The following NTMT1 variants were observed in gnomAD, a reference collection of about 807,000 sequenced individuals.
NTMT1 encodes N-terminal Xaa-Pro-Lys N-methyltransferase 1.
Under a neutral mutation model 17.5 loss-of-function variants are expected in NTMT1, and 8 were observed. The observed-to-expected ratio is 0.46, with a 90% CI of 0.27 to 0.82. The LOEUF is 0.82. Ranked by LOEUF, NTMT1 falls within the 40% of genes least tolerant of loss-of-function variation. The probability of loss-of-function intolerance (pLI) is 0.15; values close to 1 mark genes in which losing one functional copy is unlikely to be tolerated. For synonymous variants in NTMT1, 128 were observed against 126.8 expected (o/e 1.01, Z -0.06); for missense variants, 221 against 303.5 (o/e 0.73, Z 2.02).
In NTMT1 at chr9:129,613,950, C is replaced by T. The variant is rs188204347; in HGVS notation, c.-55+4772C>T. ...GAGGGCTGTCTCAGGGATGGGGGCT[C>T]TTCCTGTCCAACAGCAGCCATGCGA... On this transcript the variant is annotated intron_variant, in intron 1 of 3. Transcript: ENST00000372486. This position sits in a 1 kb window ranked among gnomAD's most constrained non-coding sequence, Gnocchi z 6.2. 6.6e-6 allele frequency among the ~76,000 whole-genome samples: 1 copy of T among 152,294 alleles called. No individual in the cohort carries two copies. The highest frequency in any genetic ancestry group is 1.9e-4 in the East Asian group (1 of 5,176).
rs778348522 is a variant in NTMT1, at chr9:129,620,082, C to T, written c.-55+10904C>T. On this transcript the variant is annotated intron_variant, in intron 1 of 3. Transcript: ENST00000372486. This position sits in a 1 kb window ranked among gnomAD's most constrained non-coding sequence, Gnocchi z 5.8. ...GGGGCCTCACTCAGTGGCTCCGGCT[C>T]CTCGGCGCACTTCTCCTGGAGCTGG... 1 of 1,451,244 alleles carries T rather than the reference C, an allele frequency of 6.9e-7. No individual in the cohort carries two copies. The highest frequency in any genetic ancestry group is 1.5e-5 in the South Asian group (1 of 68,040). 89.9% of individuals were successfully genotyped at this position (1,451,244 alleles called of 1,614,324 possible).
intron 1 of NTMT1, among the ~76,000 whole-genome samples, chr9:129,631,942 G>A: frequency 6.6e-6 from 1 of 152,154 alleles, no homozygotes; most frequent in Middle Eastern, 3.2e-3. Context: ...ACAGCCCGGT[G>A]CCTGGCACAG....
At chr9:129,615,039 G>A (rs1231220215) in intron 1 of NTMT1, among the ~76,000 whole-genome samples, 2 of 152,230 alleles carry the variant, frequency 1.3e-5, no homozygotes, top group East Asian at 1.9e-4. Context: ...TTTCCGCTTC[G>A]CGGCTTTTCT....
chr9:129,625,156 C>T (rs934746954), upstream of NTMT1, among the ~76,000 whole-genome samples: 8 of 152,116 alleles, frequency 5.3e-5, no homozygotes, highest in Admixed American at 1.3e-4. Flanking sequence ...ACAGGCTCTA[C>T]CCACCTGCAA....
exon 1 of NTMT1, chr9:129,609,145 T>G (rs1830060884): frequency 6.6e-6 from 1 of 152,378 alleles, no homozygotes; most frequent in Admixed American, 6.5e-5. Context: ...GTAGGACCAG[T>G]TCCAGCTCCA....
Position 129,635,739 on chromosome 9 carries a change from C to T in NTMT1, c.*275C>T. On this transcript the variant is annotated 3_prime_UTR_variant, in exon 4 of 4. Coordinates refer to ENST00000372483, the MANE Select transcript of NTMT1 (RefSeq NM_014064.4). ...AGGGGCTCCAGGGCTCCTGGTGCTC[C>T]CCATGTGGGAATAGGGTGGCCACAT... 1 of 411,130 alleles carries T rather than the reference C, an allele frequency of 2.4e-6. No individual in the cohort carries two copies. Among genetic ancestry groups the T allele is most frequent in the Non-Finnish European group, 4.4e-6 (1 of 226,772 alleles). The allele number at this position is 411,130 out of a possible 1,614,324, so 25.5% of individuals were successfully genotyped here.
intron 1 of NTMT1, chr9:129,619,998 G>A (rs1830596356): frequency 6.8e-7 from 1 of 1,464,562 alleles, no homozygotes; most frequent in Non-Finnish European, 9.1e-7. Flanking sequence ...TGGTGGGTGC[G>A]GGGACACAAG....
chr9:129,622,384 T>C (rs1356948376), upstream of NTMT1, among the ~76,000 whole-genome samples: 1 of 152,022 alleles, frequency 6.6e-6, no homozygotes, highest in Non-Finnish European at 1.5e-5. Context: ...TCCCAGCTAC[T>C]TGGGAGGCTG....
intron 1 of NTMT1, among the ~76,000 whole-genome samples, chr9:129,630,317 A>T (rs1831095366): frequency 6.6e-6 from 1 of 152,164 alleles, no homozygotes; most frequent in African/African-American, 2.4e-5. Context: ...TACAGAAAAT[A>T]CAAAAGTTAG....
chr9:129,623,250 G>C (rs1588130067), upstream of NTMT1, among the ~76,000 whole-genome samples: 1 of 146,816 alleles, frequency 6.8e-6, no homozygotes, highest in African/African-American at 2.5e-5. Context: ...GGAGAATGGC[G>C]TGAACCCAGG....
intron 1 of NTMT1, chr9:129,619,819 G>A: frequency 6.2e-7 from 1 of 1,614,126 alleles, no homozygotes; most frequent in Non-Finnish European, 8.5e-7. Context: ...TGATGTTGCG[G>A]TGCTGGGGAT....
rs1036468652 is a variant in NTMT1, at chr9:129,620,807, T to C, written c.-55+11629T>C. ...CAGCAAGAGTAGCCAACTTTGGGGGTTGCTGTGACGTTTAAATGAGCAAGT... is the reference window on the plus strand; with the variant it reads ...CAGCAAGAGTAGCCAACTTTGGGGGCTGCTGTGACGTTTAAATGAGCAAGT... On this transcript the variant is annotated intron_variant, in intron 1 of 3. Coordinates refer to the NTMT1 transcript ENST00000372486. The surrounding 1 kb of genome is among the most constrained non-coding windows in gnomAD (Gnocchi z 5.8). 2 of 390,946 alleles carry C rather than the reference T, an allele frequency of 5.1e-6. No individual in the cohort carries two copies. Among genetic ancestry groups the C allele is most frequent in the African/African-American group, 4.1e-5 (2 of 48,228 alleles). The allele number at this position is 390,946 out of a possible 1,614,324, so 24.2% of individuals were successfully genotyped here. A position where few individuals can be genotyped will look rare whatever the true frequency, so the allele number is the denominator to read the frequency against.
chr9:129,615,217 A>G (rs1419212945), intron 1 of NTMT1, among the ~76,000 whole-genome samples: 1 of 152,168 alleles, frequency 6.6e-6, no homozygotes, highest in African/African-American at 2.4e-5. Flanking sequence ...GGGCAGATAC[A>G]GCATATGGGA....
intron 1 of NTMT1, chr9:129,626,530 C>G (rs2118918554): frequency 6.5e-6 from 1 of 152,696 alleles, no homozygotes; most frequent in South Asian, 2.1e-4. Context: ...AGTCAAGGCA[C>G]TCAAAGCCCA....
upstream of NTMT1, among the ~76,000 whole-genome samples, chr9:129,621,851 C>A (rs1830732383): frequency 6.6e-6 from 1 of 152,130 alleles, no homozygotes; most frequent in African/African-American, 2.4e-5. Flanking sequence ...CTGGGTGGGG[C>A]CCTAGAAGGT....
At chr9:129,622,322 G>A (rs4836662), upstream of NTMT1, among the ~76,000 whole-genome samples, 77,690 of 151,902 alleles carry the variant, frequency 0.51, 20,461 homozygotes, top group Non-Finnish European at 0.6. Context: ...GTGAAACCTC[G>A]TCTCTACAAA....
At chr9:129,630,360 C>G (rs1473489723) in intron 1 of NTMT1, among the ~76,000 whole-genome samples, 2 of 152,118 alleles carry the variant, frequency 1.3e-5, no homozygotes, top group African/African-American at 4.8e-5. Context: ...GCAGTCCCAG[C>G]TACCCTGGAG....
At chr9:129,615,376 G>T in intron 1 of NTMT1, 1 of 1,185,006 alleles carries the variant, frequency 8.4e-7, no homozygotes, top group Non-Finnish European at 1.1e-6. Flanking sequence ...CTGATCTCTT[G>T]GCCTTTGCAA....
At position 129,620,194 on chromosome 9, in the gene NTMT1, G is replaced by A. The variant is rs1830613573; in HGVS notation, c.-55+11016G>A. On this transcript the variant is annotated intron_variant, in intron 1 of 3. Coordinates refer to the NTMT1 transcript ENST00000372486. This position sits in a 1 kb window ranked among gnomAD's most constrained non-coding sequence, Gnocchi z 5.8. Reference sequence around the variant, plus strand: ...GGTCCTCCCTGGCCACGCGCCTCCGGGGGCGCTCGCGCTCTCCAGGCCCTG... The same window carrying A: ...GGTCCTCCCTGGCCACGCGCCTCCGAGGGCGCTCGCGCTCTCCAGGCCCTG... 6.9e-7 allele frequency: 1 copy of A among 1,450,300 alleles called. No homozygotes were observed. Among genetic ancestry groups the A allele is most frequent in the Non-Finnish European group, 9.1e-7 (1 of 1,098,214 alleles). 89.8% of individuals were successfully genotyped at this position (1,450,300 alleles called of 1,614,324 possible).
Sources: allele counts gnomAD v4.1 joint callset (sites outside exome capture counted in the v4.1 genomes callset), GRCh38; gene constraint gnomAD v4.1.1; non-coding constraint Gnocchi (gnomAD v3.1); transcripts MANE v1.5; gene names NCBI Gene and HGNC (gene_info 2026-07-23, HGNC 2026-07-21).